Variants in CDH23 observed in about 807,000 individuals in gnomAD.
The protein encoded by CDH23 is cadherin-23.
In CDH23, 189 loss-of-function variants were observed where a neutral mutation model predicts 317.1. The observed-to-expected ratio is 0.60, with a 90% confidence interval of 0.53 to 0.67. CDH23 has a LOEUF of 0.67. CDH23 is among the 30% of genes least tolerant of loss of function. The pLI is 0.00. For missense variants in CDH23, 4,401 were observed against 4,592.4 expected, an observed-to-expected ratio of 0.96 and a Z score of 1.20; for synonymous variants, 1,839 against 1,876.8, an observed-to-expected ratio of 0.98 and a Z score of 0.52.
intron 14 of CDH23, among the ~76,000 whole-genome samples, chr10:71,658,481 C>T (rs547909764): frequency 1.3e-5 from 2 of 152,370 alleles, no homozygotes; most frequent in South Asian, 2.1e-4. Flanking sequence ...CCTGTCCCGC[C>T]TTTGAAGCAC....
chr10:71,740,755 G>A, intron 36 of CDH23, 67 bp from the exon 37 acceptor site: 1 of 1,601,058 alleles, frequency 6.2e-7, no homozygotes, highest in Non-Finnish European at 8.5e-7. Flanking sequence ...CAGCCCTTTT[G>A]GACTCCATAT....
In CDH23 at chr10:71,777,744, C is replaced by T; in HGVS notation, c.4910C>T (p.Pro1637Leu). The change falls in exon 39 of 70, where the codon CCC becomes CTC. Residue 1637 changes from proline (P) to leucine (L), a missense_variant. Around this residue, in one of 3 missense-constraint regions of CDH23, gnomAD observed 3,068 missense variants for 3,203.3 expected, o/e 0.96. Coordinates refer to ENST00000224721, the MANE Select transcript of CDH23 (RefSeq NM_022124.6). ...GATAACGCGCCCATGTTCCAGCAGC[C>T]CCACTATGAGGTGCTGCTGGATGAG... ...ENDNAPMFQQ[P>L]HYEVLLDEGP... is the part of the protein sequence containing the mutation. The T allele has an allele frequency of 6.2e-7, 1 of 1,613,726 alleles. No individual in the cohort carries two copies. The highest frequency in any genetic ancestry group is 8.5e-7 in the Non-Finnish European group (1 of 1,179,800).
chr10:71,715,374 G>A (rs1445841584), intron 28 of CDH23: 1 of 152,312 alleles, frequency 6.6e-6, no homozygotes, highest in Non-Finnish European at 1.5e-5. Flanking sequence ...TCCACCAGGA[G>A]GGAGGCAGCT....
intron 1 of CDH23, among the ~76,000 whole-genome samples, chr10:71,403,454 TTTCCTTCCTTCCTTCCTTCCTTCC>T (rs1158827093): frequency 8.5e-5 from 3 of 35,258 alleles, no homozygotes; most frequent in Non-Finnish European, 8.7e-5. Context: ...CCTTCCTTCC[TTTCCTTCCTTCCTTCCTTCCTTCC>T]TTCCTTCCTT....
At chr10:71,662,071 A>C (rs1198184085) in intron 14 of CDH23, among the ~76,000 whole-genome samples, 1 of 151,082 alleles carries the variant, frequency 6.6e-6, no homozygotes, top group Non-Finnish European at 1.5e-5. Context: ...TGGGTGATTT[A>C]TATTTCCCGC....
intron 11 of CDH23, among the ~76,000 whole-genome samples, chr10:71,624,669 C>T (rs1861626262): frequency 6.6e-6 from 1 of 152,044 alleles, no homozygotes; most frequent in Admixed American, 6.5e-5. Context: ...GGCTGCACTC[C>T]AGCCTGGGTG....
intron 3 of CDH23, among the ~76,000 whole-genome samples, chr10:71,464,281 T>C (rs1404765163): frequency 1.3e-5 from 2 of 152,224 alleles, no homozygotes; most frequent in East Asian, 1.9e-4. Context: ...CAGATCTTTA[T>C]GATAACCCAT....
chr10:71,706,468 C>A (rs887675483), intron 25 of CDH23, among the ~76,000 whole-genome samples: 5 of 152,166 alleles, frequency 3.3e-5, no homozygotes, highest in Non-Finnish European at 7.4e-5. Flanking sequence ...TCCTAGGGTG[C>A]TCAGAGGGCT....
At chr10:71,537,360 G>A (rs536894647) in intron 6 of CDH23, among the ~76,000 whole-genome samples, 5 of 152,322 alleles carry the variant, frequency 3.3e-5, no homozygotes, top group South Asian at 4.1e-4. Flanking sequence ...CTGACACGGT[G>A]GGGAGGGGTA....
chr10:71,431,806 A>C (rs755793345), intron 1 of CDH23, among the ~76,000 whole-genome samples: 3 of 152,124 alleles, frequency 2.0e-5, no homozygotes, highest in African/African-American at 4.8e-5. Context: ...GCCTGTTGGC[A>C]GGCAGCAGTG....
intron 9 of CDH23, among the ~76,000 whole-genome samples, chr10:71,599,648 T>G (rs948809927): frequency 6.6e-6 from 1 of 152,180 alleles, no homozygotes; most frequent in South Asian, 2.1e-4. Context: ...TTTGAAATTT[T>G]CCATAGTAAA....
At chr10:71,740,688 C>A in intron 36 of CDH23, 134 bp from the exon 37 acceptor site, 1 of 1,271,810 alleles carries the variant, frequency 7.9e-7, no homozygotes, top group Admixed American at 2.2e-5. Context: ...CTGGCCAGGC[C>A]ACCCAGGGGT....
At chr10:71,716,096 C>G (rs2132770106) in intron 28 of CDH23, 4 of 1,534,704 alleles carry the variant, frequency 2.6e-6, no homozygotes, top group Non-Finnish European at 3.5e-6. Context: ...CTCACTGGGG[C>G]TCCCAGGGTG....
intron 6 of CDH23, among the ~76,000 whole-genome samples, chr10:71,562,874 C>T (rs371969741): frequency 4.6e-5 from 7 of 152,166 alleles, no homozygotes; most frequent in South Asian, 2.1e-4. Context: ...GTGTGGCTCT[C>T]GGCCTGTCAT....
chr10:71,543,470 A>G (rs2132293529), intron 6 of CDH23, among the ~76,000 whole-genome samples: 1 of 152,318 alleles, frequency 6.6e-6, no homozygotes, highest in South Asian at 2.1e-4. Flanking sequence ...TAGGGTCCAT[A>G]TGCAGCCGAT....
At chr10:71,648,544 T>C (rs965876758) in intron 14 of CDH23, among the ~76,000 whole-genome samples, 1 of 152,152 alleles carries the variant, frequency 6.6e-6, no homozygotes, top group African/African-American at 2.4e-5. Context: ...CCCATGGTCC[T>C]TGGAAAGGGA....
rs767890871 is a variant in CDH23 at position 71,811,537 on chromosome 10, C to T, written c.9225C>T (p.Leu3075=). 4 of 1,614,012 alleles carry T rather than the reference C, an allele frequency of 2.5e-6. No individual in the cohort carries two copies. The highest frequency in any genetic ancestry group is 3.3e-5 in the Admixed American group (2 of 60,026). Residue 3075 remains leucine (L), a synonymous_variant, in exon 64 of 70, where the codon CTC becomes CTT. Transcript: ENST00000224721. ...LQMAIIVLAI[L]LFLAAMLFVL... is the part of the protein sequence containing the mutation. ...TGGCGATCATCGTCCTGGCTATCCT[C>T]CTGTTCCTGGCCGCCATGCTCTTTG...
At chr10:71,550,218 C>T (rs1172122067) in intron 6 of CDH23, among the ~76,000 whole-genome samples, 3 of 152,098 alleles carry the variant, frequency 2.0e-5, no homozygotes, top group African/African-American at 7.2e-5. Flanking sequence ...ACTTCTAGTA[C>T]AGCCTTGGTC....
chr10:71,603,613 A>AAG (rs1554844354), intron 9 of CDH23, among the ~76,000 whole-genome samples: 1 of 152,152 alleles, frequency 6.6e-6, no homozygotes, highest in African/African-American at 2.4e-5. Context: ...AGCAGGCAGC[A>AAG]GGGGGGGCCT....
Sources: allele counts gnomAD v4.1 joint callset (sites outside exome capture counted in the v4.1 genomes callset), GRCh38; gene constraint gnomAD v4.1.1; regional missense constraint gnomAD v4.1.1; transcripts MANE v1.5; gene names NCBI Gene and HGNC (gene_info 2026-07-23, HGNC 2026-07-21).